MECOM: variants seen among roughly 807,000 people sequenced by gnomAD.
The protein encoded by MECOM is MDS1 and EVI1 complex locus.
Under a neutral mutation model 116.3 loss-of-function variants are expected in MECOM, and 13 were observed. That is an observed-to-expected ratio of 0.11 (90% CI 0.07 to 0.18). The LOEUF (loss-of-function observed/expected upper bound fraction) is 0.18, where lower values mean the gene tolerates loss of function less well. Ranked by LOEUF, MECOM falls within the 10% of genes least tolerant of loss-of-function variation. MECOM has a pLI of 1.00. For missense variants in MECOM, 1,299 were observed against 1,509.0 expected, an observed-to-expected ratio of 0.86 and a Z score of 2.31; for synonymous variants, 528 against 535.2, an observed-to-expected ratio of 0.99 and a Z score of 0.19.
intron 2 of MECOM, among the ~76,000 whole-genome samples, chr3:169,197,868 G>A (rs1748637456): frequency 6.6e-6 from 1 of 151,958 alleles, no homozygotes; most frequent in Non-Finnish European, 1.5e-5. Context: ...GCAACTGACA[G>A]GCGTTTGATT....
At chr3:169,321,820 A>G (rs1720915032) in intron 2 of MECOM, among the ~76,000 whole-genome samples, 1 of 152,238 alleles carries the variant, frequency 6.6e-6, no homozygotes. Context: ...TAGAAAAGAC[A>G]GTGGAAGAGA....
intron 1 of MECOM, among the ~76,000 whole-genome samples, chr3:169,642,746 A>G: frequency 6.6e-6 from 1 of 151,962 alleles, no homozygotes; most frequent in East Asian, 1.9e-4. Context: ...TTAAAAAAAA[A>G]AAATAGAAAG....
At chr3:169,425,624 C>T (rs913188666) in intron 1 of MECOM, among the ~76,000 whole-genome samples, 36 of 152,108 alleles carry the variant, frequency 2.4e-4, no homozygotes, top group African/African-American at 7.7e-4. Flanking sequence ...GCTGAGGAAA[C>T]AAAGGTTTAG....
intron 2 of MECOM, among the ~76,000 whole-genome samples, chr3:169,295,458 A>C (rs1027331216): frequency 1.3e-5 from 2 of 152,194 alleles, no homozygotes; most frequent in Non-Finnish European, 2.9e-5. Flanking sequence ...AAAAAACATT[A>C]AAAAGTACAA....
intron 1 of MECOM, among the ~76,000 whole-genome samples, chr3:169,441,754 G>GACT: frequency 9.4e-6 from 1 of 105,916 alleles, no homozygotes; most frequent in Non-Finnish European, 2.5e-5. Context: ...TAAAAAAGGG[G>GACT]GGGTCTTGCT....
In MECOM at chr3:169,625,575, A is replaced by T. The variant is rs114557079; in HGVS notation, c.37+37761T>A. 8.4e-3 allele frequency among the ~76,000 whole-genome samples: 1,286 copies of T among 152,340 alleles called. 16 individuals are homozygous for T. The highest frequency in any genetic ancestry group is 0.029 in the African/African-American group (1,215 of 41,566). Reference sequence around the variant, plus strand: ...GAAGTTTCACTGTGTAAGAAATAGAAACATAAATAATAAATCAGAAAAAAA... The same window carrying T: ...GAAGTTTCACTGTGTAAGAAATAGATACATAAATAATAAATCAGAAAAAAA... On this transcript the variant is annotated intron_variant, in intron 1 of 16. Transcript: ENST00000651503.
At chr3:169,219,437 G>A (rs1485002248) in intron 2 of MECOM, among the ~76,000 whole-genome samples, 1 of 152,202 alleles carries the variant, frequency 6.6e-6, no homozygotes, top group African/African-American at 2.4e-5. Context: ...AACCTGGGAG[G>A]CGGAGCTTGC....
At position 169,663,333 on chromosome 3, in the gene MECOM, T is replaced by C; in HGVS notation, c.37+3A>G. 6.2e-7 allele frequency: 1 copy of C among 1,609,272 alleles called. No homozygotes were observed. The highest frequency in any genetic ancestry group is 2.2e-5 in the East Asian group (1 of 44,768). On this transcript the variant is annotated splice_donor_region_variant and intron_variant, in intron 1 of 16. Coordinates refer to ENST00000651503, the MANE Select transcript of MECOM (RefSeq NM_004991.4). ...GCCAATAGAAAAGGGATATTGCACC[T>C]ACTTGTGGCCAGTTTCCTTGCCCTG...
At chr3:169,370,764 G>A (rs1729951628) in intron 2 of MECOM, among the ~76,000 whole-genome samples, 1 of 151,844 alleles carries the variant, frequency 6.6e-6, no homozygotes, top group Non-Finnish European at 1.5e-5. Flanking sequence ...ACATACAATA[G>A]CGATCAAGTA....
chr3:169,158,239 A>G lies in MECOM; in HGVS notation c.376-14407T>C, dbSNP rs142194517. 6.6e-3 allele frequency among the ~76,000 whole-genome samples: 1,006 copies of G among 152,334 alleles called. 10 individuals are homozygous for G. The highest frequency in any genetic ancestry group is 0.022 in the African/African-American group (895 of 41,574). ...TAAAACTGTTTATCATTGTCCGTATATAATCTCCTTGGTAATCAGTGTTGG... is the reference window on the plus strand; with the variant it reads ...TAAAACTGTTTATCATTGTCCGTATGTAATCTCCTTGGTAATCAGTGTTGG... On this transcript the variant is annotated intron_variant, in intron 2 of 16. Transcript: ENST00000651503.
chr3:169,635,243 G>A (rs1206952963), intron 1 of MECOM, among the ~76,000 whole-genome samples: 2 of 152,270 alleles, frequency 1.3e-5, no homozygotes, highest in South Asian at 4.2e-4. Context: ...TAACTCATAG[G>A]ACTATTGCAA....
Position 169,121,039 on chromosome 3 carries a change from G to A in MECOM, c.1132+17C>T, listed in dbSNP as rs754698128. ...GAGACAGATGTGGGAAGGAGGGCTGGAGTGTTGAAAACTTACAGATAAAGG... is the reference window on the plus strand; with the variant it reads ...GAGACAGATGTGGGAAGGAGGGCTGAAGTGTTGAAAACTTACAGATAAAGG... On this transcript the variant is annotated intron_variant, in intron 7 of 16. Transcript: ENST00000651503. 2 of 1,590,104 alleles carry A rather than the reference G, an allele frequency of 1.3e-6. No homozygotes were observed. The highest frequency in any genetic ancestry group is 1.7e-6 in the Non-Finnish European group (2 of 1,163,048).
At chr3:169,293,380 A>G (rs1332637687) in intron 2 of MECOM, among the ~76,000 whole-genome samples, 2 of 152,108 alleles carry the variant, frequency 1.3e-5, no homozygotes, top group Non-Finnish European at 2.9e-5. Flanking sequence ...CTCCTCTCTC[A>G]TTCATTCGCA....
intron 1 of MECOM, among the ~76,000 whole-genome samples, chr3:169,480,229 A>G (rs1751080736): frequency 1.3e-5 from 2 of 152,210 alleles, no homozygotes; most frequent in Admixed American, 6.5e-5. Context: ...GAGCTTCTTT[A>G]TCACATATAC....
rs1338301529 is a variant in MECOM at position 169,168,245 on chromosome 3, C to T, written c.376-24413G>A. Among the ~76,000 whole-genome samples the T allele has an allele frequency of 4.0e-5, 6 of 150,132 alleles. No individual in the cohort carries two copies. In the East Asian group the frequency reaches 5.9e-4, roughly 15 times the overall value. ...TTATTTGTTTTTAGAGACAGGGTCTCGCTTAGTTGCTCAGGCTGGACTCAA... is the reference window on the plus strand; with the variant it reads ...TTATTTGTTTTTAGAGACAGGGTCTTGCTTAGTTGCTCAGGCTGGACTCAA... On this transcript the variant is annotated intron_variant, in intron 2 of 16. Coordinates refer to ENST00000651503, the MANE Select transcript of MECOM (RefSeq NM_004991.4).
intron 1 of MECOM, among the ~76,000 whole-genome samples, chr3:169,409,406 TAA>T (rs1466001195): frequency 1.6e-4 from 25 of 152,212 alleles, no homozygotes; most frequent in African/African-American, 4.8e-4. Flanking sequence ...GTTCTCTGCT[TAA>T]AATCACTTAG....
rs1728930802 is a variant in MECOM at position 169,115,651 on chromosome 3, G to A, written c.2221C>T (p.Pro741Ser). The A allele has an allele frequency of 6.2e-7, 1 of 1,614,002 alleles. No individual in the cohort carries two copies. Among genetic ancestry groups the A allele is most frequent in the African/African-American group, 1.3e-5 (1 of 74,888 alleles). The change falls in exon 8 of 17, where the codon CCC becomes TCC. Residue 741 changes from proline (P) to serine (S), a missense_variant. Physicochemically the swap from Pro to Ser is moderately conservative, Grantham distance 74 (BLOSUM62 -1). Around this residue, in one of 6 missense-constraint regions of MECOM, gnomAD observed 340 missense variants for 312.6 expected, o/e 1.09. Transcript: ENST00000651503. The stretch of plus-strand genomic sequence containing the variant: ...TTTCGCTTAGTGGTGAGATCAAAGG[G>A]GGACTCAGAGCTGCCCTTCTGCAGT... ...KKLQKGSSES[P>S]FDLTTKRKDE... is the part of the protein sequence containing the mutation.
At chr3:169,456,084 C>T (rs199703406) in intron 1 of MECOM, among the ~76,000 whole-genome samples, 5 of 152,028 alleles carry the variant, frequency 3.3e-5, no homozygotes, top group Admixed American at 6.5e-5. Flanking sequence ...ATCAGATTTC[C>T]ACCTTCTTGG....
intron 7 of MECOM, among the ~76,000 whole-genome samples, chr3:169,118,315 A>C (rs1179741439): frequency 6.6e-6 from 1 of 152,222 alleles, no homozygotes; most frequent in Non-Finnish European, 1.5e-5. Flanking sequence ...TCACAACGTT[A>C]CAGAGGCTGT....
Sources: gnomAD v4.1 joint callset for allele counts (sites outside exome capture counted in the v4.1 genomes callset) on GRCh38, gnomAD v4.1.1 for gene constraint, gnomAD v4.1.1 regional missense constraint, MANE v1.5 for transcripts, NCBI Gene and HGNC (gene_info 2026-07-23, HGNC 2026-07-21) for gene names.